KLHL14: variants seen among roughly 807,000 people sequenced by gnomAD.
KLHL14 encodes kelch like family member 14, also known as kelch-like protein 14.
A neutral mutation model predicts 64.3 loss-of-function variants in KLHL14; 22 were observed. That is an observed-to-expected ratio of 0.34 (90% CI 0.24 to 0.49). The LOEUF (loss-of-function observed/expected upper bound fraction) is 0.49, where lower values mean the gene tolerates loss of function less well. Ranked by LOEUF, KLHL14 falls within the 20% of genes least tolerant of loss-of-function variation. The probability of loss-of-function intolerance (pLI) is 0.99; values close to 1 mark genes in which losing one functional copy is unlikely to be tolerated. For missense variants in KLHL14, 661 were observed against 789.0 expected, an observed-to-expected ratio of 0.84 and a Z score of 1.94; for synonymous variants, 322 against 333.4, an observed-to-expected ratio of 0.97 and a Z score of 0.37.
chr18:32,710,735 C>G (rs1026189079), intron 3 of KLHL14, among the ~76,000 whole-genome samples: 15 of 152,178 alleles, frequency 9.9e-5, no homozygotes, highest in African/African-American at 3.6e-4. Context: ...AAAATAACTA[C>G]AGGTGGATTT....
At chr18:32,712,350 G>T (rs915358263) in intron 3 of KLHL14, among the ~76,000 whole-genome samples, 1 of 152,112 alleles carries the variant, frequency 6.6e-6, no homozygotes, top group Admixed American at 6.6e-5. Context: ...ATTTAGAAAA[G>T]AATTCCCACA....
intron 8 of KLHL14, among the ~76,000 whole-genome samples, chr18:32,675,359 A>G (rs570264886): frequency 4.6e-5 from 7 of 152,324 alleles, no homozygotes; most frequent in Admixed American, 1.3e-4. Context: ...AAAGAAATAC[A>G]TACATAAAAA....
chr18:32,687,047 G>A, intron 5 of KLHL14, 108 bp downstream of exon 5: 1 of 885,004 alleles, frequency 1.1e-6, no homozygotes, highest in Non-Finnish European at 1.9e-6. Flanking sequence ...TGCCTCATAT[G>A]TCTTTCATTG....
intron 8 of KLHL14, among the ~76,000 whole-genome samples, chr18:32,676,685 T>C (rs1016653049): frequency 1.3e-5 from 2 of 152,152 alleles, no homozygotes; most frequent in South Asian, 2.1e-4. Context: ...AGCTGAATGA[T>C]GGGTTAATGA....
chr18:32,771,013 T>A (rs1478020131), intron 1 of KLHL14: 1 of 385,760 alleles, frequency 2.6e-6, no homozygotes. Flanking sequence ...CCTCGTGGGC[T>A]CGTGTCCATG....
chr18:32,704,453 T>G (rs2049980518), intron 3 of KLHL14, among the ~76,000 whole-genome samples: 1 of 152,176 alleles, frequency 6.6e-6, no homozygotes, highest in South Asian at 2.1e-4. Context: ...CCAGGCACAG[T>G]GGCTCACACC....
At chr18:32,717,011 C>T (rs529236791) in intron 3 of KLHL14, among the ~76,000 whole-genome samples, 2 of 152,230 alleles carry the variant, frequency 1.3e-5, no homozygotes, top group African/African-American at 2.4e-5. Flanking sequence ...TTGAAATATC[C>T]TCTCTCTCCA....
rs2049855341 is a variant in KLHL14, at chr18:32,683,682, G to A, written c.1239-3083C>T. On this transcript the variant is annotated intron_variant, in intron 5 of 8. Transcript: ENST00000359358. The surrounding 1 kb of genome is among the most constrained non-coding windows in gnomAD (Gnocchi z 4.2). ...GCAATATTCAGTATTTGTGAGATAA[G>A]TTTTAAAAAGATTAATAATAATGCG... is the stretch of plus-strand genomic sequence containing the variant. Among the ~76,000 whole-genome samples, 1 of 152,148 alleles carries A rather than the reference G, an allele frequency of 6.6e-6. No individual in the cohort carries two copies. The highest frequency in any genetic ancestry group is 2.4e-5 in the African/African-American group (1 of 41,446).
At position 32,758,082 on chromosome 18, in the gene KLHL14, ATCTC is replaced by A. The variant is rs552965449; in HGVS notation, c.947+11559_947+11562del. ...AAATGGCCAAAGAATTTGAATAGAC[ATCTC>A]TCTCTCTCTCTCTTTTGTATCTTTT... On this transcript the variant is annotated intron_variant, in intron 2 of 8. Transcript: ENST00000359358. Among the ~76,000 whole-genome samples, 789 of 151,038 alleles carry A rather than the reference ATCTC, an allele frequency of 5.2e-3. 3 individuals are homozygous for A. The highest frequency in any genetic ancestry group is 0.014 in the South Asian group (66 of 4,780).
chr18:32,749,867 T>A (rs1346125002), intron 2 of KLHL14, among the ~76,000 whole-genome samples: 1 of 151,954 alleles, frequency 6.6e-6, no homozygotes, highest in Non-Finnish European at 1.5e-5. Context: ...GATGTGTGAG[T>A]CAGTTCAGGC....
chr18:32,760,502 GAGGCACCTGA>G, intron 2 of KLHL14, among the ~76,000 whole-genome samples: 1 of 152,200 alleles, frequency 6.6e-6, no homozygotes, highest in East Asian at 1.9e-4. Context: ...CCTGTCTTCA[GAGGCACCTGA>G]AGGCACATAA....
chr18:32,730,882 C>A (rs183586219), intron 3 of KLHL14, among the ~76,000 whole-genome samples: 1 of 152,252 alleles, frequency 6.6e-6, no homozygotes, highest in Non-Finnish European at 1.5e-5. Flanking sequence ...CAAGGCAGGT[C>A]GGTAGGATTA....
chr18:32,760,814 G>A (rs573908136), intron 2 of KLHL14, among the ~76,000 whole-genome samples: 45 of 152,278 alleles, frequency 3.0e-4, no homozygotes, highest in Admixed American at 9.8e-4. Flanking sequence ...TAACTCAACC[G>A]GCCATCATTT....
chr18:32,741,082 T>C (rs908858979), intron 3 of KLHL14, among the ~76,000 whole-genome samples: 16 of 152,206 alleles, frequency 1.1e-4, no homozygotes, highest in Non-Finnish European at 2.1e-4. Context: ...ATGTATGGCT[T>C]TGATTTATGG....
Position 32,673,704 on chromosome 18 carries a change from A to G in KLHL14, c.*953T>C, listed in dbSNP as rs2049796977. 6.6e-6 allele frequency: 1 copy of G among 152,196 alleles called. No homozygotes were observed. The highest frequency in any genetic ancestry group is 1.5e-5 in the Non-Finnish European group (1 of 68,034). 9.4% of individuals were successfully genotyped at this position (152,196 alleles called of 1,614,324 possible). A position where few individuals can be genotyped will look rare whatever the true frequency, so the allele number is the denominator to read the frequency against. On this transcript the variant is annotated 3_prime_UTR_variant, in exon 9 of 9. Coordinates refer to ENST00000359358, the MANE Select transcript of KLHL14 (RefSeq NM_020805.3). ...GAAACAGAAAGACAACTGGAATTCT[A>G]CTTAATGGAAATTATTCTTTCTTTT...
intron 4 of KLHL14, among the ~76,000 whole-genome samples, chr18:32,691,541 A>AC (rs1010043105): frequency 2.6e-5 from 4 of 151,954 alleles, no homozygotes; most frequent in African/African-American, 9.7e-5. Context: ...CTGTTCCCAG[A>AC]CCCCCCAAAG....
chr18:32,750,165 C>G (rs1284333535), intron 2 of KLHL14, among the ~76,000 whole-genome samples: 1 of 151,964 alleles, frequency 6.6e-6, no homozygotes, highest in African/African-American at 2.4e-5. Flanking sequence ...CAAATACTAT[C>G]TTACTGGTGA....
intron 2 of KLHL14, among the ~76,000 whole-genome samples, chr18:32,748,600 C>T (rs577100269): frequency 2.0e-5 from 3 of 151,984 alleles, no homozygotes; most frequent in South Asian, 2.1e-4. Flanking sequence ...GTGATCCACC[C>T]GCCTCGGCCT....
chr18:32,768,521 T>G (rs1156814795), intron 2 of KLHL14, among the ~76,000 whole-genome samples: 3 of 152,088 alleles, frequency 2.0e-5, no homozygotes, highest in Middle Eastern at 6.3e-3. Flanking sequence ...TTTCAAACCA[T>G]GTACTTTGCT....
Sources: allele counts gnomAD v4.1 joint callset (sites outside exome capture counted in the v4.1 genomes callset), GRCh38; gene constraint gnomAD v4.1.1; non-coding constraint Gnocchi (gnomAD v3.1); transcripts MANE v1.5; gene names NCBI Gene and HGNC (gene_info 2026-07-23, HGNC 2026-07-21).